PIEZO2: variants seen among roughly 807,000 people sequenced by gnomAD.
The protein encoded by PIEZO2 is piezo type mechanosensitive ion channel component 2.
A neutral mutation model predicts 337.3 loss-of-function variants in PIEZO2; 172 were observed. The observed-to-expected ratio is 0.51, with a 90% CI of 0.45 to 0.58. The LOEUF (loss-of-function observed/expected upper bound fraction) is 0.58. Among genes scored for constraint, PIEZO2 ranks in the 20% least tolerant of loss-of-function variants. PIEZO2 has a pLI of 0.00. For missense variants in PIEZO2, 3,028 were observed against 3,391.3 expected, an observed-to-expected ratio of 0.89 and a Z score of 2.66; for synonymous variants, 1,251 against 1,228.5, an observed-to-expected ratio of 1.02 and a Z score of -0.38.
At chr18:10,997,105 A>G (rs2035351408) in intron 2 of PIEZO2, among the ~76,000 whole-genome samples, 1 of 152,102 alleles carries the variant, frequency 6.6e-6, no homozygotes. Flanking sequence ...CCAACTCCCA[A>G]ACTGATAATT....
chr18:10,840,838 A>C (rs2041167194), intron 7 of PIEZO2, among the ~76,000 whole-genome samples: 1 of 152,192 alleles, frequency 6.6e-6, no homozygotes, highest in Admixed American at 6.5e-5. Flanking sequence ...AAGCAAGAAA[A>C]ATGTTAGAAA....
chr18:10,945,184 G>C lies in PIEZO2; in HGVS notation c.287-33956C>G, dbSNP rs1344798725. Among the ~76,000 whole-genome samples the C allele has an allele frequency of 6.6e-6, 1 of 152,084 alleles. No individual in the cohort carries two copies. Among genetic ancestry groups the C allele is most frequent in the Non-Finnish European group, 1.5e-5 (1 of 68,012 alleles). ...TGAAGAAGACGCCCTATGATTTTTA[G>C]GTGTTATTTTTTAGAGACAAGATGT... On this transcript the variant is annotated intron_variant, in intron 3 of 55. Transcript: ENST00000674853. The surrounding 1 kb of genome is among the most constrained non-coding windows in gnomAD (Gnocchi z 4.0).
intron 1 of PIEZO2, among the ~76,000 whole-genome samples, chr18:11,145,132 A>T (rs4413029): frequency 0.37 from 56,185 of 152,058 alleles, 10,556 homozygotes; most frequent in East Asian, 0.46. Context: ...GTAAGAAAAA[A>T]AATCAGATGA....
chr18:10,829,736 A>G (rs1245951676), intron 7 of PIEZO2, among the ~76,000 whole-genome samples: 1 of 152,204 alleles, frequency 6.6e-6, no homozygotes, highest in Non-Finnish European at 1.5e-5. Context: ...CTAGGAATTA[A>G]CCAAAAATGT....
chr18:10,740,211 ATTTTC>A (rs1035594707), intron 33 of PIEZO2: 1 of 152,322 alleles, frequency 6.6e-6, no homozygotes, highest in African/African-American at 2.4e-5. Flanking sequence ...CTATAGTGAT[ATTTTC>A]TTTGCTAAGC....
At chr18:11,058,088 G>C (rs1373089526) in intron 2 of PIEZO2, among the ~76,000 whole-genome samples, 1 of 152,160 alleles carries the variant, frequency 6.6e-6, no homozygotes, top group Non-Finnish European at 1.5e-5. Context: ...CAGAACAGTA[G>C]AGAGACTGGA....
At position 11,105,382 on chromosome 18, in the gene PIEZO2, A is replaced by G. The variant is rs1438704750; in HGVS notation, c.65-39160T>C. Among the ~76,000 whole-genome samples, 1 of 152,182 alleles carries G rather than the reference A, an allele frequency of 6.6e-6. No homozygotes were observed. Among genetic ancestry groups the G allele is most frequent in the East Asian group, 1.9e-4 (1 of 5,196 alleles). On this transcript the variant is annotated intron_variant, in intron 1 of 55. Coordinates refer to ENST00000674853, the MANE Select transcript of PIEZO2 (RefSeq NM_001378183.1). This position sits in a 1 kb window ranked among gnomAD's most constrained non-coding sequence, Gnocchi z 4.3. ...ACTAAACTCGACAAGAATATGTTCC[A>G]TTTGTAATAAATCTATGGATATGTA...
Position 10,682,501 on chromosome 18 carries a change from G to A in PIEZO2, c.7498-209C>T, listed in dbSNP as rs954884038. Among the ~76,000 whole-genome samples, 1 of 152,118 alleles carries A rather than the reference G, an allele frequency of 6.6e-6. No individual in the cohort carries two copies. The highest frequency in any genetic ancestry group is 6.5e-5 in the Admixed American group (1 of 15,274). On this transcript the variant is annotated intron_variant, in intron 49 of 55. Coordinates refer to ENST00000674853, the MANE Select transcript of PIEZO2 (RefSeq NM_001378183.1). This position sits in a 1 kb window ranked among gnomAD's most constrained non-coding sequence, Gnocchi z 5.6. ...AGTGATGTGAAGCTGTCCTGAGGTC[G>A]CTCCAGTACCCCCTGGTGGATCCAC...
intron 1 of PIEZO2, among the ~76,000 whole-genome samples, chr18:11,140,519 T>C: frequency 6.6e-6 from 1 of 152,250 alleles, no homozygotes; most frequent in Non-Finnish European, 1.5e-5. Context: ...AAAATCATGT[T>C]ATTTTGGAGT....
Position 10,675,249 on chromosome 18 carries a change from A to G in PIEZO2, c.8121T>C (p.Pro2707=). 7.1e-6 allele frequency: 11 copies of G among 1,548,168 alleles called. No homozygotes were observed. The highest frequency in any genetic ancestry group is 9.6e-6 in the Non-Finnish European group (11 of 1,143,996). ...TTATAGGTTTTGAGTTAGAATCACT[A>G]GGTGCTTTCACATAATATGGATAAA... The part of the protein sequence containing the change: ...EKIYPYYVKA[P]SDSNSKPIKQ... Residue 2707 remains proline (P), a synonymous_variant, in exon 54 of 56, where the codon CCT becomes CCC. Coordinates refer to ENST00000674853, the MANE Select transcript of PIEZO2 (RefSeq NM_001378183.1).
intron 31 of PIEZO2, among the ~76,000 whole-genome samples, chr18:10,743,403 C>G (rs1258785835): frequency 6.6e-6 from 1 of 152,094 alleles, no homozygotes; most frequent in Non-Finnish European, 1.5e-5. Context: ...AAACCTGGTC[C>G]CCAAACAGTC....
intron 2 of PIEZO2, among the ~76,000 whole-genome samples, chr18:11,011,406 T>C (rs1159080372): frequency 6.6e-6 from 1 of 152,232 alleles, no homozygotes; most frequent in African/African-American, 2.4e-5. Flanking sequence ...ATCTCTTATG[T>C]AAATTGAAGC....
intron 1 of PIEZO2, among the ~76,000 whole-genome samples, chr18:11,084,403 C>T (rs12457599): frequency 6.6e-6 from 1 of 152,072 alleles, no homozygotes; most frequent in Admixed American, 6.6e-5. Flanking sequence ...CTGTGAAGTA[C>T]GAACTGGCAT....
intron 1 of PIEZO2, among the ~76,000 whole-genome samples, chr18:11,122,206 C>T (rs536939963): frequency 6.6e-6 from 1 of 152,182 alleles, no homozygotes; most frequent in African/African-American, 2.4e-5. Flanking sequence ...CCACCCGCCT[C>T]GGCCTCCCAA....
intron 1 of PIEZO2, among the ~76,000 whole-genome samples, chr18:11,090,969 C>T (rs1458108763): frequency 6.6e-6 from 1 of 150,686 alleles, no homozygotes; most frequent in African/African-American, 2.4e-5. Context: ...AAAAGCGGCA[C>T]TGTACATTTG....
chr18:10,929,427 C>G lies in PIEZO2; in HGVS notation c.287-18199G>C, dbSNP rs79215191. Among the ~76,000 whole-genome samples, 3,069 of 152,282 alleles carry G rather than the reference C, an allele frequency of 0.02. 95 individuals are homozygous for G. The highest frequency in any genetic ancestry group is 0.068 in the African/African-American group (2,831 of 41,556). ...TTTTGATCAGATTCAGACATGTTTTCCCATATCTTTAAGTAAGATTGGAAT... is the reference window on the plus strand; with the variant it reads ...TTTTGATCAGATTCAGACATGTTTTGCCATATCTTTAAGTAAGATTGGAAT... On this transcript the variant is annotated intron_variant, in intron 3 of 55. Coordinates refer to ENST00000674853, the MANE Select transcript of PIEZO2 (RefSeq NM_001378183.1). This position sits in a 1 kb window ranked among gnomAD's most constrained non-coding sequence, Gnocchi z 5.6.
In PIEZO2 at chr18:11,148,479, C is replaced by A; in HGVS notation, c.64+46G>T. On this transcript the variant is annotated intron_variant, in intron 1 of 55. Transcript: ENST00000674853. The surrounding 1 kb of genome is among the most constrained non-coding windows in gnomAD (Gnocchi z 5.2). Reference sequence around the variant, plus strand: ...GTTAAGAAGTCCCCCACCCAGGCGCCCCCCTCGTCCTCCTCAAGTGCCCTC... The same window carrying A: ...GTTAAGAAGTCCCCCACCCAGGCGCACCCCTCGTCCTCCTCAAGTGCCCTC... The A allele has an allele frequency of 2.0e-6, 3 of 1,530,730 alleles. No individual in the cohort carries two copies. The highest frequency in any genetic ancestry group is 2.6e-6 in the Non-Finnish European group (3 of 1,141,140). The allele number at this position is 1,530,730 out of a possible 1,614,324, so 94.8% of individuals were successfully genotyped here.
chr18:10,685,755 C>T (rs953131178), intron 49 of PIEZO2, among the ~76,000 whole-genome samples: 3 of 152,196 alleles, frequency 2.0e-5, no homozygotes, highest in South Asian at 2.1e-4. Flanking sequence ...CCAAGTGAAA[C>T]GGCGTCTCAC....
Position 10,795,028 on chromosome 18 carries a change from G to C in PIEZO2, c.1528-26C>G, listed in dbSNP as rs1363746224. ...CTCCGGAGGACAGAAAAGGAAACAC[G>C]ACCATGGTCAATACAATGCTCAGTC... On this transcript the variant is annotated intron_variant, in intron 12 of 55. Coordinates refer to ENST00000674853, the MANE Select transcript of PIEZO2 (RefSeq NM_001378183.1). This position sits in a 1 kb window ranked among gnomAD's most constrained non-coding sequence, Gnocchi z 4.4. The C allele has an allele frequency of 3.9e-6, 6 of 1,528,534 alleles. No homozygotes were observed. The highest frequency in any genetic ancestry group is 2.0e-5 in the Admixed American group (1 of 50,950). 94.7% of individuals were successfully genotyped at this position (1,528,534 alleles called of 1,614,324 possible).
Sources: allele counts gnomAD v4.1 joint callset (sites outside exome capture counted in the v4.1 genomes callset), GRCh38; gene constraint gnomAD v4.1.1; non-coding constraint Gnocchi (gnomAD v3.1); transcripts MANE v1.5; gene names NCBI Gene and HGNC (gene_info 2026-07-23, HGNC 2026-07-21).